OPA3: variants seen among roughly 807,000 people sequenced by gnomAD.
The protein encoded by OPA3 is outer mitochondrial membrane lipid metabolism regulator OPA3.
In OPA3, 6 loss-of-function variants were observed where a neutral mutation model predicts 4.0. The ratio of observed to expected loss-of-function variants is 1.51; its 90% CI spans 0.83 to 2.99. The LOEUF is 2.99. OPA3 is among the 30% of genes most tolerant of loss of function. The pLI, the probability that OPA3 is intolerant of heterozygous loss-of-function variation, is 0.00. For missense variants in OPA3, 235 were observed against 256.2 expected, an observed-to-expected ratio of 0.92 and a Z score of 0.56; for synonymous variants, 105 against 117.1, an observed-to-expected ratio of 0.90 and a Z score of 0.67.
intron 1 of OPA3, among the ~76,000 whole-genome samples, chr19:45,562,343 CAAAAAAAAAAA>C (rs1218744939): frequency 1.4e-5 from 1 of 69,540 alleles, no homozygotes; most frequent in Non-Finnish European, 2.7e-5. Flanking sequence ...GACTCCATCT[CAAAAAAAAAAA>C]AAAAAAAAAG....
chr19:45,583,807 A>ATG (rs1600008622), intron 1 of OPA3, among the ~76,000 whole-genome samples: 1 of 152,062 alleles, frequency 6.6e-6, no homozygotes, highest in East Asian at 1.9e-4. Context: ...GGACCTTACT[A>ATG]TGCCCTTTAG....
At chr19:45,564,044 C>A (rs1279903078) in intron 1 of OPA3, among the ~76,000 whole-genome samples, 2 of 151,928 alleles carry the variant, frequency 1.3e-5, no homozygotes, top group Non-Finnish European at 2.9e-5. Flanking sequence ...CCTTGGCCCC[C>A]AGGATTCCAC....
intron 1 of OPA3, among the ~76,000 whole-genome samples, chr19:45,537,891 T>C (rs527383705): frequency 3.2e-4 from 48 of 152,278 alleles, no homozygotes; most frequent in Admixed American, 2.6e-3. Context: ...TTATTCATTA[T>C]ATTGTTTTCT....
At chr19:45,567,978 G>A (rs1006838588) in intron 1 of OPA3, among the ~76,000 whole-genome samples, 17 of 152,030 alleles carry the variant, frequency 1.1e-4, no homozygotes, top group Admixed American at 2.0e-4. Flanking sequence ...GATCCAGTCA[G>A]ATGATGATGA....
At position 45,551,850 on chromosome 19, in the gene OPA3, T is replaced by C. The variant is rs1411646059; in HGVS notation, c.*1664A>G. On this transcript the variant is annotated 3_prime_UTR_variant, in exon 2 of 2. Coordinates refer to ENST00000263275, the MANE Select transcript of OPA3 (RefSeq NM_025136.4). The stretch of plus-strand genomic sequence containing the variant: ...GAGCACACAGATTAGGAGACACGGA[T>C]GGAAGATGAAGGATGTGACAATTGA... 2 of 985,338 alleles carry C rather than the reference T, an allele frequency of 2.0e-6. No individual in the cohort carries two copies. Among genetic ancestry groups the C allele is most frequent in the South Asian group, 4.7e-5 (1 of 21,278 alleles). The allele number at this position is 985,338 out of a possible 1,614,324, so 61.0% of individuals were successfully genotyped here.
At chr19:45,580,155 C>A (rs1291608558) in intron 1 of OPA3, among the ~76,000 whole-genome samples, 2 of 145,822 alleles carry the variant, frequency 1.4e-5, no homozygotes, top group African/African-American at 2.5e-5. Context: ...TGCCACCACG[C>A]CCAGCTAATT....
chr19:45,570,235 G>A (rs768585047), intron 1 of OPA3, among the ~76,000 whole-genome samples: 2 of 152,206 alleles, frequency 1.3e-5, no homozygotes, highest in Non-Finnish European at 2.9e-5. Context: ...TTAGCCATGA[G>A]TACATGAGCA....
In OPA3 at chr19:45,551,029, C is replaced by T. The variant is rs8106584; in HGVS notation, c.*2485G>A. 25,781 of 876,090 alleles carry T rather than the reference C, an allele frequency of 0.029. 2,045 individuals are homozygous for T. Among genetic ancestry groups the T allele is most frequent in the African/African-American group, 0.26 (14,459 of 55,116 alleles). 54.3% of individuals were successfully genotyped at this position (876,090 alleles called of 1,614,324 possible). A position where few individuals can be genotyped will look rare whatever the true frequency, so the allele number is the denominator to read the frequency against. ...AGGCTGGAGTGTAGTGGCGCGATCA[C>T]GGCTCGCTGCAGCCTCGACCTCCAG... On this transcript the variant is annotated 3_prime_UTR_variant, in exon 2 of 2. Transcript: ENST00000263275.
intron 1 of OPA3, among the ~76,000 whole-genome samples, chr19:45,561,500 C>A (rs1279334535): frequency 6.6e-6 from 1 of 152,134 alleles, no homozygotes; most frequent in Non-Finnish European, 1.5e-5. Context: ...ACTGCTAGAG[C>A]CCACGATGGC....
intron 1 of OPA3, among the ~76,000 whole-genome samples, chr19:45,575,758 C>T (rs1423130902): frequency 1.3e-5 from 2 of 152,118 alleles, no homozygotes; most frequent in Non-Finnish European, 2.9e-5. Flanking sequence ...CATGCATCAC[C>T]ATGCCCCACT....
chr19:45,579,667 T>C lies in OPA3; in HGVS notation c.142+4956A>G, dbSNP rs539485882. Among the ~76,000 whole-genome samples the C allele has an allele frequency of 2.6e-5, 4 of 152,292 alleles. No homozygotes were observed. In the South Asian group the frequency reaches 6.2e-4, roughly 24 times the overall value. On this transcript the variant is annotated intron_variant, in intron 1 of 1. Transcript: ENST00000263275. The stretch of plus-strand genomic sequence containing the variant: ...TGCCAGGCACTGACTTAACATTTTA[T>C]ATCCATTTACTTAATCCTCACCACA...
At chr19:45,568,238 G>A (rs1363689640) in intron 1 of OPA3, among the ~76,000 whole-genome samples, 1 of 152,048 alleles carries the variant, frequency 6.6e-6, no homozygotes, top group African/African-American at 2.4e-5. Flanking sequence ...CACCTAGGCT[G>A]GAGAGCAGTG....
intron 1 of OPA3, among the ~76,000 whole-genome samples, chr19:45,562,264 T>A (rs1465367446): frequency 6.8e-6 from 1 of 147,660 alleles, no homozygotes; most frequent in Non-Finnish European, 1.5e-5. Flanking sequence ...GGAGAATCGC[T>A]TGAATCCAGG....
intron 1 of OPA3, among the ~76,000 whole-genome samples, chr19:45,530,494 A>G (rs879529549): frequency 3.3e-5 from 5 of 150,614 alleles, no homozygotes; most frequent in Non-Finnish European, 7.4e-5. Context: ...TTTACTGTTT[A>G]TTTTTATTTA....
chr19:45,539,640 G>A (rs143237818), intron 1 of OPA3, among the ~76,000 whole-genome samples: 1,649 of 151,820 alleles, frequency 0.011, 17 homozygotes, highest in Middle Eastern at 0.027. Flanking sequence ...TTAGCCGGGC[G>A]TGGCGGTGCA....
chr19:45,553,572 G>A lies in OPA3; in HGVS notation c.482C>T (p.Ala161Val), dbSNP rs1276202629. 3 of 1,612,934 alleles carry A rather than the reference G, an allele frequency of 1.9e-6. No individual in the cohort carries two copies. In the African/African-American group the frequency reaches 4.0e-5, roughly 22 times the overall value. Residue 161 changes from alanine to valine, a missense_variant, in exon 2 of 2, where the codon GCC becomes GTC. Coordinates refer to ENST00000263275, the MANE Select transcript of OPA3 (RefSeq NM_025136.4). ...GGACCGGCCGGGATTGCAGAGCTGG[G>A]CGCGCACCTCTTGCAGCTCTGTGCG... is the stretch of plus-strand genomic sequence containing the variant. ...ELRTELQEVRAQLCNPGRSAS... is the reference protein window; with the variant it reads ...ELRTELQEVRVQLCNPGRSAS...
intron 1 of OPA3, among the ~76,000 whole-genome samples, chr19:45,532,882 A>T (rs1001582184): frequency 1.3e-5 from 2 of 151,598 alleles, no homozygotes; most frequent in African/African-American, 4.8e-5. Context: ...CAGCCCTAGG[A>T]TGATTTTTAT....
At chr19:45,572,558 TGG>T (rs1969694186) in intron 1 of OPA3, among the ~76,000 whole-genome samples, 1 of 106,416 alleles carries the variant, frequency 9.4e-6, no homozygotes, top group Non-Finnish European at 2.1e-5. Context: ...ATATCATATA[TGG>T]ATATATATCA....
chr19:45,534,230 C>A (rs553187802), intron 1 of OPA3, among the ~76,000 whole-genome samples: 2 of 152,254 alleles, frequency 1.3e-5, no homozygotes, highest in South Asian at 4.1e-4. Flanking sequence ...AGGAAGGAGA[C>A]AGACTGTCCA....
Sources: gnomAD v4.1 joint callset for allele counts (sites outside exome capture counted in the v4.1 genomes callset) on GRCh38, gnomAD v4.1.1 for gene constraint, MANE v1.5 for transcripts, NCBI Gene and HGNC (gene_info 2026-07-23, HGNC 2026-07-21) for gene names.